Variants in MAN1A1 observed in about 807,000 individuals in gnomAD.
MAN1A1 encodes the protein mannosidase alpha class 1A member 1.
A neutral mutation model predicts 70.8 loss-of-function variants in MAN1A1; 29 were observed. The observed-to-expected ratio is 0.41, with a 90% CI of 0.31 to 0.56. The LOEUF (loss-of-function observed/expected upper bound fraction) is 0.56. MAN1A1 is among the 20% of genes least tolerant of loss of function. The pLI is 0.29. For missense variants in MAN1A1, 747 were observed against 841.3 expected (o/e 0.89, Z 1.39); for synonymous variants, 349 against 330.1 (o/e 1.06, Z -0.62).
intron 2 of MAN1A1, among the ~76,000 whole-genome samples, chr6:119,340,760 C>G (rs567331720): frequency 6.6e-6 from 1 of 152,276 alleles, no homozygotes; most frequent in African/African-American, 2.4e-5. Flanking sequence ...CTAAACACTC[C>G]CACACAAGAC....
intron 6 of MAN1A1, among the ~76,000 whole-genome samples, chr6:119,242,739 T>G (rs1775046564): frequency 6.6e-6 from 1 of 152,194 alleles, no homozygotes; most frequent in African/African-American, 2.4e-5. Flanking sequence ...ATAGGCATTA[T>G]TATTGCTATT....
intron 5 of MAN1A1, among the ~76,000 whole-genome samples, chr6:119,285,773 C>T (rs1425456905): frequency 6.6e-6 from 1 of 152,010 alleles, no homozygotes; most frequent in African/African-American, 2.4e-5. Context: ...TGGGAGGGTG[C>T]TAATGTATTT....
intron 2 of MAN1A1, among the ~76,000 whole-genome samples, chr6:119,314,169 G>A (rs549026822): frequency 6.6e-6 from 1 of 152,292 alleles, no homozygotes; most frequent in East Asian, 1.9e-4. Context: ...GCCCTTCAGG[G>A]CCAGCTTCCC....
rs1289664190 is a variant in MAN1A1 at position 119,180,424 on chromosome 6, A to G, written c.1723T>C (p.Leu575=). The part of the protein sequence containing the change: ...RKWAWEAVEA[L]ENHCRVNGGY... The stretch of plus-strand genomic sequence containing the variant: ...CCATTCACTCTGCAATGGTTTTCCA[A>G]GGCCTAAATTATAGAGGAGGAAAAA... The change falls in exon 12 of 13, where the codon TTG becomes CTG. Residue 575 remains leucine (L), a synonymous_variant. Coordinates refer to ENST00000368468, the MANE Select transcript of MAN1A1 (RefSeq NM_005907.4). The G allele has an allele frequency of 1.3e-6, 2 of 1,571,386 alleles. No individual in the cohort carries two copies. Among genetic ancestry groups the G allele is most frequent in the Admixed American group, 1.7e-5 (1 of 57,492 alleles).
chr6:119,264,055 TA>T (rs1775683814), intron 5 of MAN1A1, among the ~76,000 whole-genome samples: 1 of 152,230 alleles, frequency 6.6e-6, no homozygotes, highest in South Asian at 2.1e-4. Context: ...GCTAACTTTT[TA>T]AAAAAGAATT....
At chr6:119,274,491 A>G (rs1281153209) in intron 5 of MAN1A1, among the ~76,000 whole-genome samples, 1 of 152,350 alleles carries the variant, frequency 6.6e-6, no homozygotes, top group East Asian at 1.9e-4. Context: ...AAAATATTTT[A>G]GTTTCATCTG....
chr6:119,193,177 A>T (rs1375285284), intron 9 of MAN1A1, among the ~76,000 whole-genome samples: 1 of 152,156 alleles, frequency 6.6e-6, no homozygotes, highest in African/African-American at 2.4e-5. Flanking sequence ...GAGAGAAAAA[A>T]ACCCAACTCC....
At position 119,188,587 on chromosome 6, in the gene MAN1A1, A is replaced by C; in HGVS notation, c.1547-10T>G. On this transcript the variant is annotated splice_polypyrimidine_tract_variant and intron_variant, in intron 10 of 12. Coordinates refer to ENST00000368468, the MANE Select transcript of MAN1A1 (RefSeq NM_005907.4). ...GGTCCCAGTTTCATAACTAAAGGAC[A>C]TGGAATGAATGAATAAGGGTTATTT... The C allele has an allele frequency of 6.2e-7, 1 of 1,609,292 alleles. No individual in the cohort carries two copies. The highest frequency in any genetic ancestry group is 8.5e-7 in the Non-Finnish European group (1 of 1,178,066).
At chr6:119,283,350 G>T (rs1011915231) in intron 5 of MAN1A1, among the ~76,000 whole-genome samples, 4 of 152,154 alleles carry the variant, frequency 2.6e-5, no homozygotes, top group African/African-American at 9.7e-5. Flanking sequence ...TTTAGTCAAT[G>T]ACTAAATGAC....
chr6:119,330,241 C>T (rs933500568), intron 2 of MAN1A1, among the ~76,000 whole-genome samples: 4 of 152,086 alleles, frequency 2.6e-5, no homozygotes, highest in African/African-American at 7.2e-5. Context: ...CACAAGAGAC[C>T]TCCAATTGGA....
At chr6:119,262,127 A>G (rs1231802787) in intron 5 of MAN1A1, among the ~76,000 whole-genome samples, 1 of 152,210 alleles carries the variant, frequency 6.6e-6, no homozygotes, top group African/African-American at 2.4e-5. Context: ...CACAGAATCA[A>G]GGTGCAAAAG....
At chr6:119,334,026 C>T (rs1379014414) in intron 2 of MAN1A1, among the ~76,000 whole-genome samples, 1 of 152,180 alleles carries the variant, frequency 6.6e-6, no homozygotes, top group Non-Finnish European at 1.5e-5. Flanking sequence ...CCCAAAGACA[C>T]CTGTTTTAAA....
Position 119,256,411 on chromosome 6 carries a change from A to ATTTTTTTTTT in MAN1A1, c.898-8058_898-8057insAAAAAAAAAA, listed in dbSNP as rs372688734. On this transcript the variant is annotated intron_variant, in intron 5 of 12. Transcript: ENST00000368468. ...AAATGAATGAATAAAATTGTATCTC[A>ATTTTTTTTTT]TTATTTTTTTTTTTTTCATGAGAGA... Among the ~76,000 whole-genome samples the ATTTTTTTTTT allele has an allele frequency of 2.5e-5, 3 of 117,884 alleles. 1 individual carries two copies. Among genetic ancestry groups the ATTTTTTTTTT allele is most frequent in the Non-Finnish European group, 5.8e-5 (3 of 51,818 alleles). The allele number at this position is 117,884 out of a possible 152,430, so 77.3% of individuals were successfully genotyped here.
intron 5 of MAN1A1, among the ~76,000 whole-genome samples, chr6:119,266,798 A>C (rs1335217939): frequency 2.0e-5 from 3 of 152,200 alleles, no homozygotes; most frequent in Non-Finnish European, 4.4e-5. Context: ...GAGAATGAGA[A>C]GACAAGCCAA....
intron 5 of MAN1A1, among the ~76,000 whole-genome samples, chr6:119,276,518 C>T (rs2357375): frequency 0.48 from 72,326 of 152,014 alleles, 17,631 homozygotes; most frequent in East Asian, 0.74. Context: ...TATAACTAGT[C>T]ATTCAGGGCT....
At chr6:119,325,662 G>A (rs1161967944) in intron 2 of MAN1A1, among the ~76,000 whole-genome samples, 1 of 152,056 alleles carries the variant, frequency 6.6e-6, no homozygotes, top group Non-Finnish European at 1.5e-5. Context: ...CCGGGGGCAG[G>A]GGGATGTGGA....
At chr6:119,273,207 TC>T (rs1297960507) in intron 5 of MAN1A1, among the ~76,000 whole-genome samples, 1 of 152,082 alleles carries the variant, frequency 6.6e-6, no homozygotes, top group Non-Finnish European at 1.5e-5. Context: ...TATTTTCTGA[TC>T]AAAAGAATAT....
At chr6:119,308,179 A>G (rs1223946924) in intron 2 of MAN1A1, among the ~76,000 whole-genome samples, 1 of 152,134 alleles carries the variant, frequency 6.6e-6, no homozygotes, top group African/African-American at 2.4e-5. Flanking sequence ...TTAAAAAACA[A>G]CTTTACTCAG....
At chr6:119,267,891 T>C (rs1360973303) in intron 5 of MAN1A1, among the ~76,000 whole-genome samples, 2 of 152,238 alleles carry the variant, frequency 1.3e-5, no homozygotes, top group African/African-American at 2.4e-5. Context: ...TCTGGGTTAT[T>C]TGAACTGTGG....
Sources: gnomAD v4.1 joint callset for allele counts (sites outside exome capture counted in the v4.1 genomes callset) on GRCh38, gnomAD v4.1.1 for gene constraint, MANE v1.5 for transcripts, NCBI Gene and HGNC (gene_info 2026-07-23, HGNC 2026-07-21) for gene names.